DAB1: variants seen among roughly 807,000 people sequenced by gnomAD.
DAB1 encodes the protein DAB adaptor protein 1.
DAB1 carries 15 observed loss-of-function variants against 64.6 expected under a neutral mutation model. That is an observed-to-expected ratio of 0.23 (90% CI 0.16 to 0.36). The LOEUF (loss-of-function observed/expected upper bound fraction) is 0.36. DAB1 is among the 10% of genes least tolerant of loss of function. The pLI is 1.00. For synonymous variants in DAB1, 235 were observed against 251.9 expected, an observed-to-expected ratio of 0.93 and a Z score of 0.64; for missense variants, 596 against 706.7, an observed-to-expected ratio of 0.84 and a Z score of 1.78.
intron 4 of DAB1, among the ~76,000 whole-genome samples, chr1:58,238,454 C>A (rs897245081): frequency 2.0e-5 from 3 of 152,016 alleles, no homozygotes; most frequent in African/African-American, 7.2e-5. Flanking sequence ...CCAGGTAGTT[C>A]AGAATAGATG....
chr1:57,669,705 G>A (rs577518367), intron 6 of DAB1, among the ~76,000 whole-genome samples: 1 of 152,270 alleles, frequency 6.6e-6, no homozygotes, highest in African/African-American at 2.4e-5. Context: ...TACAAGATAT[G>A]ATTTCTGTAT....
intron 5 of DAB1, among the ~76,000 whole-genome samples, chr1:57,933,134 A>G (rs1644977048): frequency 6.6e-6 from 1 of 152,222 alleles, no homozygotes; most frequent in Non-Finnish European, 1.5e-5. Flanking sequence ...ATGGTACCCT[A>G]TAAGGTTTAT....
At position 57,023,465 on chromosome 1, in the gene DAB1, G is replaced by C. The variant is rs137969278; in HGVS notation, c.895+66C>G. 636 of 941,316 alleles carry C rather than the reference G, an allele frequency of 6.8e-4. No homozygotes were observed. In the African/African-American group the frequency reaches 8.2e-3, roughly 12 times the overall value. The allele number at this position is 941,316 out of a possible 1,614,324, so 58.3% of individuals were successfully genotyped here. A position where few individuals can be genotyped will look rare whatever the true frequency, so the allele number is the denominator to read the frequency against. On this transcript the variant is annotated intron_variant, in intron 11 of 14. Coordinates refer to ENST00000371236, the MANE Select transcript of DAB1 (RefSeq NM_001365792.1). ...TTATCATCATTCGGTGGCTGGCTCT[G>C]TAAACTCTTTCTCTCTCTTAATGAG...
At chr1:57,133,500 G>A (rs1396521334) in intron 4 of DAB1, among the ~76,000 whole-genome samples, 1 of 152,204 alleles carries the variant, frequency 6.6e-6, no homozygotes, top group East Asian at 1.9e-4. Context: ...GTAACATCAT[G>A]ATATATTAGC....
intron 5 of DAB1, among the ~76,000 whole-genome samples, chr1:58,143,710 G>T (rs1174194131): frequency 6.6e-6 from 1 of 152,172 alleles, no homozygotes; most frequent in East Asian, 1.9e-4. Context: ...AAATAACACA[G>T]CTGTCTTCTA....
chr1:58,067,594 G>C (rs1317287421), intron 5 of DAB1, among the ~76,000 whole-genome samples: 3 of 152,184 alleles, frequency 2.0e-5, no homozygotes, highest in Non-Finnish European at 4.4e-5. Context: ...AGAGTCTATG[G>C]GTTAAGAGTG....
chr1:57,400,942 C>T (rs1418463834), intron 1 of DAB1, among the ~76,000 whole-genome samples: 1 of 150,318 alleles, frequency 6.7e-6, no homozygotes, highest in Admixed American at 6.7e-5. Context: ...TTCCCAGACG[C>T]CATGCAAAAA....
intron 7 of DAB1, among the ~76,000 whole-genome samples, chr1:57,571,773 G>C (rs1260143766): frequency 6.6e-6 from 1 of 152,190 alleles, no homozygotes; most frequent in Non-Finnish European, 1.5e-5. Flanking sequence ...GAATTAAACA[G>C]AGAAATAAGC....
At chr1:57,049,950 A>AGCT (rs1342367333) in intron 9 of DAB1, among the ~76,000 whole-genome samples, 2 of 152,092 alleles carry the variant, frequency 1.3e-5, no homozygotes, top group Non-Finnish European at 2.9e-5. Flanking sequence ...GCAGGGGTTT[A>AGCT]GCTTCCACCA....
chr1:58,501,163 T>A (rs1405961490), intron 3 of DAB1, among the ~76,000 whole-genome samples: 1 of 152,224 alleles, frequency 6.6e-6, no homozygotes, highest in African/African-American at 2.4e-5. Flanking sequence ...CCTGTATTTA[T>A]CCTTTTTAAA....
At chr1:57,137,724 T>C (rs562632074) in intron 3 of DAB1, among the ~76,000 whole-genome samples, 10 of 152,270 alleles carry the variant, frequency 6.6e-5, no homozygotes, top group African/African-American at 2.2e-4. Flanking sequence ...AGAAGAAAAG[T>C]CTAAAATAAT....
chr1:57,014,568 A>G (rs1182052437), intron 12 of DAB1, among the ~76,000 whole-genome samples: 1 of 152,228 alleles, frequency 6.6e-6, no homozygotes, highest in Non-Finnish European at 1.5e-5. Flanking sequence ...CCAGGCTTAC[A>G]TTCAATTCAA....
chr1:57,341,644 C>CT (rs964039300), intron 1 of DAB1, among the ~76,000 whole-genome samples: 48 of 152,040 alleles, frequency 3.2e-4, no homozygotes, highest in African/African-American at 1.1e-3. Flanking sequence ...TTTTCTCTTT[C>CT]TTTTTTTGAG....
chr1:57,685,049 TTCAA>T (rs1224954328), intron 6 of DAB1, among the ~76,000 whole-genome samples: 3 of 151,636 alleles, frequency 2.0e-5, no homozygotes, highest in African/African-American at 7.3e-5. Flanking sequence ...GCCTCCCAGG[TTCAA>T]GTGATTCTTC....
At chr1:58,167,978 G>A (rs1330479096) in intron 4 of DAB1, among the ~76,000 whole-genome samples, 1 of 152,198 alleles carries the variant, frequency 6.6e-6, no homozygotes, top group East Asian at 1.9e-4. Flanking sequence ...CCCACTGGAA[G>A]GAACCAATTC....
At chr1:57,346,260 A>G (rs1439886000) in intron 1 of DAB1, among the ~76,000 whole-genome samples, 2 of 152,210 alleles carry the variant, frequency 1.3e-5, no homozygotes, top group African/African-American at 2.4e-5. Flanking sequence ...AGGATCCTAC[A>G]TGGTAGTTAA....
rs75103956 is a variant in DAB1, at chr1:58,075,667, G to A, written n.387+74844C>T. ...AGGATTTGTCAAAAATGACATAGAA[G>A]TGTCCTCAGAATTCAAGGTCACAAA... is the stretch of plus-strand genomic sequence containing the variant. On this transcript the variant is annotated intron_variant and non_coding_transcript_variant, in intron 5 of 20. Coordinates refer to the DAB1 transcript ENST00000485760. Among the ~76,000 whole-genome samples the A allele has an allele frequency of 4.0e-4, 61 of 152,316 alleles. 1 individual carries two copies. Among genetic ancestry groups the A allele is most frequent in the Non-Finnish European group, 2.5e-4 (17 of 68,024 alleles).
chr1:57,765,193 A>G (rs1290079866), intron 6 of DAB1, among the ~76,000 whole-genome samples: 2 of 152,178 alleles, frequency 1.3e-5, no homozygotes, highest in Admixed American at 1.3e-4. Context: ...TTGTCCCCAA[A>G]GAGCACAAAC....
At chr1:57,795,522 G>T (rs1053689741) in intron 6 of DAB1, among the ~76,000 whole-genome samples, 2 of 151,544 alleles carry the variant, frequency 1.3e-5, no homozygotes, top group Non-Finnish European at 2.9e-5. Context: ...AAGTACCAAA[G>T]AAGTGTAATT....
Sources: allele counts gnomAD v4.1 joint callset (sites outside exome capture counted in the v4.1 genomes callset), GRCh38; gene constraint gnomAD v4.1.1; transcripts MANE v1.5; gene names NCBI Gene and HGNC (gene_info 2026-07-23, HGNC 2026-07-21).